The following STAT4 variants were observed in gnomAD, a reference collection of about 807,000 sequenced individuals.
The protein encoded by STAT4 is signal transducer and activator of transcription 4.
Under a neutral mutation model 110.5 loss-of-function variants are expected in STAT4, and 42 were observed. That is an observed-to-expected ratio of 0.38 (90% CI 0.30 to 0.49). STAT4 has a LOEUF of 0.49. STAT4 is among the 20% of genes least tolerant of loss of function. The pLI is 0.95. For synonymous variants in STAT4, 284 were observed against 302.2 expected (o/e 0.94, Z 0.63); for missense variants, 632 against 887.9 (o/e 0.71, Z 3.66).
intron 3 of STAT4, among the ~76,000 whole-genome samples, chr2:191,098,254 C>T (rs932900765): frequency 1.3e-5 from 2 of 152,212 alleles, no homozygotes; most frequent in Non-Finnish European, 2.9e-5. Flanking sequence ...CCAGCGATCC[C>T]ATTACTGGGT....
intron 3 of STAT4, among the ~76,000 whole-genome samples, chr2:191,108,155 G>T (rs575352332): frequency 1.6e-4 from 24 of 152,140 alleles, no homozygotes; most frequent in Middle Eastern, 3.4e-3. Flanking sequence ...GCCAGACATG[G>T]TAGGGGGCAT....
At position 191,057,873 on chromosome 2, in the gene STAT4, C is replaced by G. The variant is rs971557588; in HGVS notation, c.1206+145G>C. The G allele has an allele frequency of 1.2e-4, 86 of 716,130 alleles. No individual in the cohort carries two copies. The Admixed American group carries it at 2.4e-3, about 20-fold the overall frequency. The allele number at this position is 716,130 out of a possible 1,614,324, so 44.4% of individuals were successfully genotyped here. A position where few individuals can be genotyped will look rare whatever the true frequency, so the allele number is the denominator to read the frequency against. ...TTGGCCTCCCAAAATGCTGGGATTA[C>G]AGACATGAGCCACCGTGCCCGGCCG... On this transcript the variant is annotated intron_variant, in intron 13 of 23. Transcript: ENST00000392320.
At position 191,034,133 on chromosome 2, in the gene STAT4, A is replaced by G. The variant is rs1001636782; in HGVS notation, c.1621-128T>C. The G allele has an allele frequency of 1.9e-5, 14 of 740,818 alleles. No individual in the cohort carries two copies. In the African/African-American group the frequency reaches 2.4e-4, roughly 13 times the overall value. The allele number at this position is 740,818 out of a possible 1,614,324, so 45.9% of individuals were successfully genotyped here. On this transcript the variant is annotated intron_variant, in intron 18 of 23. Transcript: ENST00000392320. The stretch of plus-strand genomic sequence containing the variant: ...GACAACACCTTAATTTCTTTAAAAA[A>G]TATTCTTGGCCTGGTGTGGTGGCTC...
intron 3 of STAT4, among the ~76,000 whole-genome samples, chr2:191,095,057 T>A (rs1697929647): frequency 6.6e-6 from 1 of 151,846 alleles, no homozygotes; most frequent in African/African-American, 2.4e-5. Flanking sequence ...GAGCTAACTA[T>A]CCTAAACATA....
upstream of STAT4, chr2:191,151,168 C>T (rs1699582348): frequency 2.0e-6 from 2 of 985,446 alleles, no homozygotes; most frequent in Non-Finnish European, 2.4e-6. This position sits in a 1 kb window ranked among gnomAD's most constrained non-coding sequence, Gnocchi z 4.7. Context: ...GCAGAAACTG[C>T]CAGGCTGGAG....
intron 4 of STAT4, among the ~76,000 whole-genome samples, chr2:191,075,553 TG>T (rs1433529861): frequency 2.0e-5 from 3 of 152,172 alleles, no homozygotes; most frequent in Non-Finnish European, 4.4e-5. Context: ...AGAGTGGGAA[TG>T]ACAGAAATTC....
intron 13 of STAT4, among the ~76,000 whole-genome samples, chr2:191,057,443 C>A (rs1559047511): frequency 6.6e-6 from 1 of 152,180 alleles, no homozygotes; most frequent in Non-Finnish European, 1.5e-5. Flanking sequence ...TACTGACCAA[C>A]TACTATGTAT....
intron 14 of STAT4, among the ~76,000 whole-genome samples, chr2:191,044,486 A>G (rs1696291374): frequency 6.6e-6 from 1 of 152,176 alleles, no homozygotes; most frequent in Non-Finnish European, 1.5e-5. Context: ...AGTCCTCTGG[A>G]AATTTGGCTC....
chr2:191,069,760 T>C lies in STAT4; in HGVS notation c.477A>G (p.Gln159=), dbSNP rs1478906760. ...AIKNSVQMTE[Q]DTKYLEDLQD... ...GCAGATCTTCTAAGTATTTGGTATCTTGTTCTGTCATCTTTTCACAAAAGA... is the reference window on the plus strand; with the variant it reads ...GCAGATCTTCTAAGTATTTGGTATCCTGTTCTGTCATCTTTTCACAAAAGA... Residue 159 remains glutamine, a synonymous_variant, in exon 6 of 24, where the codon CAA becomes CAG. Transcript: ENST00000392320. The C allele has an allele frequency of 6.2e-7, 1 of 1,608,948 alleles. No homozygotes were observed. The highest frequency in any genetic ancestry group is 8.5e-7 in the Non-Finnish European group (1 of 1,178,022).
upstream of STAT4, chr2:191,151,542 T>C: frequency 1.0e-6 from 1 of 985,574 alleles, no homozygotes; most frequent in Non-Finnish European, 1.2e-6. This position sits in a 1 kb window ranked among gnomAD's most constrained non-coding sequence, Gnocchi z 4.7. Context: ...AGGCCACCAG[T>C]GCTTGCCCTT....
Position 191,035,591 on chromosome 2 carries a change from A to G in STAT4, c.1570+573T>C, listed in dbSNP as rs2125148902. On this transcript the variant is annotated intron_variant, in intron 17 of 23. Coordinates refer to ENST00000392320, the MANE Select transcript of STAT4 (RefSeq NM_003151.4). This position sits in a 1 kb window ranked among gnomAD's most constrained non-coding sequence, Gnocchi z 4.7. ...TGTTTGGATTATAGTTGGCACATGTAGTACCAGTGACTCTATTTTGCAAAC... is the reference window on the plus strand; with the variant it reads ...TGTTTGGATTATAGTTGGCACATGTGGTACCAGTGACTCTATTTTGCAAAC... 6.6e-6 allele frequency among the ~76,000 whole-genome samples: 1 copy of G among 152,384 alleles called. No individual in the cohort carries two copies. The highest frequency in any genetic ancestry group is 1.5e-5 in the Non-Finnish European group (1 of 68,038).
At position 191,117,079 on chromosome 2, in the gene STAT4, T is replaced by C. The variant is rs755889278; in HGVS notation, c.273+29534A>G. Among the ~76,000 whole-genome samples the C allele has an allele frequency of 2.6e-5, 4 of 152,028 alleles. No individual in the cohort carries two copies. The highest frequency in any genetic ancestry group is 5.9e-5 in the Non-Finnish European group (4 of 67,998). On this transcript the variant is annotated intron_variant, in intron 3 of 23. Coordinates refer to ENST00000392320, the MANE Select transcript of STAT4 (RefSeq NM_003151.4). The surrounding 1 kb of genome is among the most constrained non-coding windows in gnomAD (Gnocchi z 5.2). Reference sequence around the variant, plus strand: ...TCCAATAGGAACAGAATCTCTGGAGTGGGGCTGCGCATGGCTAATTTTCAA... The same window carrying C: ...TCCAATAGGAACAGAATCTCTGGAGCGGGGCTGCGCATGGCTAATTTTCAA...
intron 3 of STAT4, among the ~76,000 whole-genome samples, chr2:191,109,290 T>G (rs1281934057): frequency 6.6e-6 from 1 of 151,564 alleles, no homozygotes; most frequent in Non-Finnish European, 1.5e-5. Context: ...TTTGTTTTTT[T>G]GTTTTGTTTT....
At chr2:191,120,909 A>C (rs1698707227) in intron 3 of STAT4, among the ~76,000 whole-genome samples, 1 of 152,244 alleles carries the variant, frequency 6.6e-6, no homozygotes, top group African/African-American at 2.4e-5. Context: ...ACAAAAGCCA[A>C]AATTGACAAA....
Position 191,113,630 on chromosome 2 carries a change from T to C in STAT4, c.273+32983A>G, listed in dbSNP as rs759854616. Among the ~76,000 whole-genome samples, 1 of 152,222 alleles carries C rather than the reference T, an allele frequency of 6.6e-6. No individual in the cohort carries two copies. The highest frequency in any genetic ancestry group is 1.5e-5 in the Non-Finnish European group (1 of 68,038). On this transcript the variant is annotated intron_variant, in intron 3 of 23. Coordinates refer to ENST00000392320, the MANE Select transcript of STAT4 (RefSeq NM_003151.4). This position sits in a 1 kb window ranked among gnomAD's most constrained non-coding sequence, Gnocchi z 4.8. The stretch of plus-strand genomic sequence containing the variant: ...CCATTAGGGCCAAATTTGTCTTTTG[T>C]CATCATGCGGAAGAAAGATTAAAAA...
At chr2:191,129,254 A>T (rs572431178) in intron 3 of STAT4, among the ~76,000 whole-genome samples, 2 of 152,320 alleles carry the variant, frequency 1.3e-5, no homozygotes, top group South Asian at 4.1e-4. Flanking sequence ...AAAATAAAAA[A>T]TAGTAAATGG....
rs1338600239 is a variant in STAT4, at chr2:191,037,194, A to G, written c.1435-895T>C. On this transcript the variant is annotated intron_variant, in intron 16 of 23. Transcript: ENST00000392320. The surrounding 1 kb of genome is among the most constrained non-coding windows in gnomAD (Gnocchi z 4.8). ...CACAAATTTTACCTTGACCAGACCA[A>G]TCATCCCAAAGTGCTAGAAATGGTA... Among the ~76,000 whole-genome samples the G allele has an allele frequency of 2.0e-5, 3 of 152,200 alleles. No homozygotes were observed. Among genetic ancestry groups the G allele is most frequent in the Non-Finnish European group, 4.4e-5 (3 of 68,030 alleles).
intron 3 of STAT4, among the ~76,000 whole-genome samples, chr2:191,096,828 T>C (rs542207697): frequency 1.3e-5 from 2 of 152,308 alleles, no homozygotes; most frequent in South Asian, 2.1e-4. Context: ...GGAAGTCAAA[T>C]TGTCCCTGTT....
Position 191,046,612 on chromosome 2 carries a change from G to C in STAT4, c.1252-5464C>G, listed in dbSNP as rs1430010174. 2.6e-5 allele frequency among the ~76,000 whole-genome samples: 4 copies of C among 152,168 alleles called. No homozygotes were observed. Among genetic ancestry groups the C allele is most frequent in the Non-Finnish European group, 5.9e-5 (4 of 68,018 alleles). The stretch of plus-strand genomic sequence containing the variant: ...AACCCCACAGAAGACTTTCTTTGTA[G>C]GGAGGACTGCAGCTGGAGGATGGTT... On this transcript the variant is annotated intron_variant, in intron 14 of 23. Transcript: ENST00000392320. The surrounding 1 kb of genome is among the most constrained non-coding windows in gnomAD (Gnocchi z 4.6).
Sources: gnomAD v4.1 joint callset for allele counts (sites outside exome capture counted in the v4.1 genomes callset) on GRCh38, gnomAD v4.1.1 for gene constraint, Gnocchi (gnomAD v3.1) non-coding constraint, MANE v1.5 for transcripts, NCBI Gene and HGNC (gene_info 2026-07-23, HGNC 2026-07-21) for gene names.